The following MPPED2 variants were observed in gnomAD, a reference collection of about 807,000 sequenced individuals.
MPPED2 encodes the protein metallophosphoesterase domain containing 2.
In MPPED2, 5 loss-of-function variants were observed where a neutral mutation model predicts 33.0. The ratio of observed to expected loss-of-function variants is 0.15; its 90% CI spans 0.08 to 0.32. MPPED2 has a LOEUF of 0.32. Ranked by LOEUF, MPPED2 falls within the 10% of genes least tolerant of loss-of-function variation. The pLI is 1.00. For missense variants in MPPED2, 275 were observed against 372.1 expected, an observed-to-expected ratio of 0.74 and a Z score of 2.15; for synonymous variants, 136 against 141.9, an observed-to-expected ratio of 0.96 and a Z score of 0.29.
intron 4 of MPPED2, among the ~76,000 whole-genome samples, chr11:30,423,898 A>G (rs1036926157): frequency 4.6e-5 from 7 of 152,322 alleles, no homozygotes; most frequent in Middle Eastern, 6.8e-3. Context: ...CTCCTGCTCC[A>G]GACTTTTGAA....
At chr11:30,476,736 C>T (rs1951221573) in intron 4 of MPPED2, among the ~76,000 whole-genome samples, 1 of 151,604 alleles carries the variant, frequency 6.6e-6, no homozygotes, top group African/African-American at 2.4e-5. Flanking sequence ...TTTTTATTTT[C>T]AAAAAATATT....
At chr11:30,489,634 A>G (rs1951885923) in intron 4 of MPPED2, among the ~76,000 whole-genome samples, 1 of 152,224 alleles carries the variant, frequency 6.6e-6, no homozygotes, top group Non-Finnish European at 1.5e-5. Flanking sequence ...CTTCCTCCAC[A>G]GTTACTAAAT....
At position 30,417,545 on chromosome 11, in the gene MPPED2, T is replaced by A; in HGVS notation, c.625A>T (p.Ile209Leu). 1 of 1,612,522 alleles carries A rather than the reference T, an allele frequency of 6.2e-7. No homozygotes were observed. The highest frequency in any genetic ancestry group is 8.5e-7 in the Non-Finnish European group (1 of 1,178,798). Residue 209 changes from isoleucine to leucine, a missense_variant, in exon 5 of 7, where the codon ATA becomes TTA. By Grantham distance (5) the Ile-to-Leu change is conservative. Transcript: ENST00000358117. ...KWNLIPEGID[I>L]LMTHGPPLGF... is the part of the protein sequence containing the mutation. ...AGAGGAGGTCCATGTGTCATGAGTA[T>A]GTCAATGCCCTCAGGGATGAGGTTC... is the stretch of plus-strand genomic sequence containing the variant.
At chr11:30,473,819 T>G (rs1348348212) in intron 4 of MPPED2, among the ~76,000 whole-genome samples, 1 of 152,144 alleles carries the variant, frequency 6.6e-6, no homozygotes. Context: ...CACTGGCCAA[T>G]AGTAAACAGA....
chr11:30,453,420 T>C (rs1950147358), intron 4 of MPPED2, among the ~76,000 whole-genome samples: 2 of 152,170 alleles, frequency 1.3e-5, no homozygotes, highest in Non-Finnish European at 2.9e-5. Context: ...CCTAGCAAAA[T>C]GAAGACGGAG....
chr11:30,395,487 T>C, intron 6 of MPPED2, among the ~76,000 whole-genome samples: 1 of 152,190 alleles, frequency 6.6e-6, no homozygotes, highest in Non-Finnish European at 1.5e-5. Context: ...ATTCTGGGGA[T>C]ATGGAGTAGA....
chr11:30,444,238 T>A (rs1949703880), intron 4 of MPPED2, among the ~76,000 whole-genome samples: 3 of 152,156 alleles, frequency 2.0e-5, no homozygotes, highest in Admixed American at 2.0e-4. Flanking sequence ...CCCGGCATGA[T>A]CTGCATTCCA....
At chr11:30,565,107 A>G (rs1307883233) in intron 2 of MPPED2, among the ~76,000 whole-genome samples, 4 of 152,220 alleles carry the variant, frequency 2.6e-5, no homozygotes, top group Non-Finnish European at 5.9e-5. Flanking sequence ...AACTCCGTGC[A>G]GCCTGTGTCT....
intron 3 of MPPED2, among the ~76,000 whole-genome samples, chr11:30,513,206 A>G (rs563298860): frequency 6.6e-6 from 1 of 152,294 alleles, no homozygotes; most frequent in African/African-American, 2.4e-5. Context: ...CCCTACTTTT[A>G]TTCTAGTCCA....
intron 2 of MPPED2, among the ~76,000 whole-genome samples, chr11:30,563,775 TG>T (rs1956329089): frequency 6.6e-6 from 1 of 152,214 alleles, no homozygotes. Flanking sequence ...TACTGAATCA[TG>T]GACAAGGCAG....
chr11:30,407,209 C>T (rs968899285), downstream of MPPED2, among the ~76,000 whole-genome samples: 6 of 152,178 alleles, frequency 3.9e-5, no homozygotes, highest in African/African-American at 1.4e-4. Context: ...AACCTCCCAA[C>T]ATAAGACAAA....
At chr11:30,471,120 C>G (rs957395170) in intron 4 of MPPED2, among the ~76,000 whole-genome samples, 1 of 152,164 alleles carries the variant, frequency 6.6e-6, no homozygotes, top group African/African-American at 2.4e-5. Context: ...TGCCCTCAGC[C>G]CATTAGTTCT....
chr11:30,391,198 G>A (rs1310282950), intron 6 of MPPED2, among the ~76,000 whole-genome samples: 1 of 152,104 alleles, frequency 6.6e-6, no homozygotes, highest in African/African-American at 2.4e-5. Flanking sequence ...GTGGCTTTGG[G>A]CCCCAACTCC....
At chr11:30,453,391 A>C (rs1312032232) in intron 4 of MPPED2, among the ~76,000 whole-genome samples, 1 of 152,210 alleles carries the variant, frequency 6.6e-6, no homozygotes. Flanking sequence ...ATCTCTTTGA[A>C]TTGAGGCTTT....
chr11:30,479,887 T>C (rs1951403280), intron 4 of MPPED2, among the ~76,000 whole-genome samples: 1 of 152,072 alleles, frequency 6.6e-6, no homozygotes, highest in African/African-American at 2.4e-5. Context: ...AAATCTCCAA[T>C]CAACTGAACA....
At chr11:30,386,434 AG>A (rs935853902) in exon 7 of MPPED2, 6 of 258,392 alleles carry the variant, frequency 2.3e-5, no homozygotes, top group African/African-American at 1.3e-4. Context: ...TCTTGGCTCA[AG>A]GTATAGATTA....
rs1284085882 is a variant in MPPED2 at position 30,414,340 on chromosome 11, A to C, written c.654T>G (p.Gly218=). The part of the protein sequence containing the change: ...DILMTHGPPL[G]FRDWVPKELQ... ...GCTCCTTTGGAACCCAGTCTCGAAA[A>C]CCTAAGGGCAAAATGCAATCAATAC... The change falls in exon 6 of 7, where the codon GGT becomes GGG. Residue 218 remains glycine (G), a splice_region_variant and synonymous_variant. Coordinates refer to ENST00000358117, the MANE Select transcript of MPPED2 (RefSeq NM_001584.3). The C allele has an allele frequency of 6.2e-7, 1 of 1,603,888 alleles. No individual in the cohort carries two copies. The highest frequency in any genetic ancestry group is 8.5e-7 in the Non-Finnish European group (1 of 1,170,888).
intron 3 of MPPED2, among the ~76,000 whole-genome samples, chr11:30,533,977 T>C (rs768708864): frequency 1.3e-5 from 2 of 152,212 alleles, no homozygotes; most frequent in Non-Finnish European, 2.9e-5. Context: ...GATGGTTCAT[T>C]TGGCACATTC....
chr11:30,456,674 TAGAA>T (rs1307019553), intron 4 of MPPED2, among the ~76,000 whole-genome samples: 1 of 152,180 alleles, frequency 6.6e-6, no homozygotes, highest in African/African-American at 2.4e-5. Flanking sequence ...AAGAATCAAA[TAGAA>T]AGAGGACTAA....
Sources: gnomAD v4.1 joint callset for allele counts (sites outside exome capture counted in the v4.1 genomes callset) on GRCh38, gnomAD v4.1.1 for gene constraint, MANE v1.5 for transcripts, NCBI Gene and HGNC (gene_info 2026-07-23, HGNC 2026-07-21) for gene names.